SIK2: variants seen among roughly 807,000 people sequenced by gnomAD.
The protein encoded by SIK2 is serine/threonine-protein kinase SIK2.
Under a neutral mutation model 103.2 loss-of-function variants are expected in SIK2, and 29 were observed. That is an observed-to-expected ratio of 0.28 (90% CI 0.21 to 0.38). The LOEUF is 0.38. SIK2 is among the 10% of genes least tolerant of loss of function. The pLI, the probability that SIK2 is intolerant of heterozygous loss-of-function variation, is 1.00. For synonymous variants in SIK2, 412 were observed against 446.1 expected, an observed-to-expected ratio of 0.92 and a Z score of 0.96; for missense variants, 879 against 1,171.0, an observed-to-expected ratio of 0.75 and a Z score of 3.64.
intron 4 of SIK2, among the ~76,000 whole-genome samples, chr11:111,697,543 TGTAA>T (rs1943105685): frequency 1.3e-5 from 2 of 152,336 alleles, no homozygotes; most frequent in Admixed American, 1.3e-4. Context: ...CTTCATGAAA[TGTAA>T]GTGTTGTCCC....
chr11:111,656,448 T>C (rs1942392821), intron 3 of SIK2, among the ~76,000 whole-genome samples: 1 of 152,232 alleles, frequency 6.6e-6, no homozygotes, highest in African/African-American at 2.4e-5. Flanking sequence ...TTGGTTATTA[T>C]ATGAATTCAA....
In SIK2 at chr11:111,729,423, C is replaced by T. The variant is rs1352546161; in HGVS notation, c.*5294C>T. 6.6e-6 allele frequency: 1 copy of T among 152,276 alleles called. No individual in the cohort carries two copies. The highest frequency in any genetic ancestry group is 2.4e-5 in the African/African-American group (1 of 41,468). 9.4% of individuals were successfully genotyped at this position (152,276 alleles called of 1,614,324 possible). A position where few individuals can be genotyped will look rare whatever the true frequency, so the allele number is the denominator to read the frequency against. On this transcript the variant is annotated 3_prime_UTR_variant, in exon 15 of 15. Coordinates refer to ENST00000304987, the MANE Select transcript of SIK2 (RefSeq NM_015191.3). ...ACCAAGCACTTTCTCTTCTAACCCT[C>T]ACAACAATTCTATGAAATTAGCTGG...
In SIK2 at chr11:111,727,369, G is replaced by C. The variant is rs1944007461; in HGVS notation, c.*3240G>C. 2.4e-6 allele frequency: 1 copy of C among 413,730 alleles called. No individual in the cohort carries two copies. The highest frequency in any genetic ancestry group is 4.4e-6 in the Non-Finnish European group (1 of 227,566). 25.6% of individuals were successfully genotyped at this position (413,730 alleles called of 1,614,324 possible). On this transcript the variant is annotated 3_prime_UTR_variant, in exon 15 of 15. Transcript: ENST00000304987. ...AAAGTCAGTGGCCCTTTCTTCCTCAGATATCAAGAACTCCCAAGTGTTTAA... is the reference window on the plus strand; with the variant it reads ...AAAGTCAGTGGCCCTTTCTTCCTCACATATCAAGAACTCCCAAGTGTTTAA...
In SIK2 at chr11:111,706,959, CAAAAAA is replaced by C. The variant is rs763828886; in HGVS notation, c.1101+1836_1101+1841del. On this transcript the variant is annotated intron_variant, in intron 8 of 14. Coordinates refer to ENST00000304987, the MANE Select transcript of SIK2 (RefSeq NM_015191.3). Reference sequence around the variant, plus strand: ...TGGGTGACAGAGCAGGACTCCGTCTCAAAAAAAAAAAAAAAAAAAAAGTATTGATAC... The same window carrying C: ...TGGGTGACAGAGCAGGACTCCGTCTCAAAAAAAAAAAAAAAGTATTGATAC... Among the ~76,000 whole-genome samples, 5 of 52,112 alleles carry C rather than the reference CAAAAAA, an allele frequency of 9.6e-5. No individual in the cohort carries two copies. The South Asian group carries it at 2.7e-3, about 28-fold the overall frequency. 34.2% of individuals were successfully genotyped at this position (52,112 alleles called of 152,430 possible).
At chr11:111,673,993 G>A (rs2135882641) in intron 3 of SIK2, among the ~76,000 whole-genome samples, 1 of 151,218 alleles carries the variant, frequency 6.6e-6, no homozygotes, top group African/African-American at 2.4e-5. Flanking sequence ...AGAATCACTT[G>A]AACCCGCGAG....
At position 111,651,939 on chromosome 11, in the gene SIK2, T is replaced by G. The variant is rs370055590; in HGVS notation, c.316+31537T>G. On this transcript the variant is annotated intron_variant, in intron 3 of 14. Transcript: ENST00000304987. The stretch of plus-strand genomic sequence containing the variant: ...AAGTCATTTGCTACTCCAAAAGCTT[T>G]GCATGAATGCTGCATAGGAATAATT... Among the ~76,000 whole-genome samples, 13 of 152,324 alleles carry G rather than the reference T, an allele frequency of 8.5e-5. No homozygotes were observed. In the South Asian group the frequency reaches 2.5e-3, roughly 29 times the overall value.
chr11:111,724,333 G>A lies in SIK2; in HGVS notation c.*204G>A, dbSNP rs919112295. The A allele has an allele frequency of 7.2e-6, 5 of 695,390 alleles. No individual in the cohort carries two copies. Among genetic ancestry groups the A allele is most frequent in the Non-Finnish European group, 9.3e-6 (4 of 430,862 alleles). 43.1% of individuals were successfully genotyped at this position (695,390 alleles called of 1,614,324 possible). On this transcript the variant is annotated 3_prime_UTR_variant, in exon 15 of 15. Coordinates refer to ENST00000304987, the MANE Select transcript of SIK2 (RefSeq NM_015191.3). Reference sequence around the variant, plus strand: ...CCCACCACAAAGTTTTCTGTGGCAAGTGCTGGAACATAGTTGTAGGCTGAG... The same window carrying A: ...CCCACCACAAAGTTTTCTGTGGCAAATGCTGGAACATAGTTGTAGGCTGAG...
chr11:111,643,315 G>T (rs535149071), intron 3 of SIK2, among the ~76,000 whole-genome samples: 1 of 152,082 alleles, frequency 6.6e-6, no homozygotes, highest in Non-Finnish European at 1.5e-5. Context: ...TGGAAGGTTG[G>T]GGGCGAGGGG....
At chr11:111,632,930 C>G (rs1393733819) in intron 3 of SIK2, among the ~76,000 whole-genome samples, 4 of 152,080 alleles carry the variant, frequency 2.6e-5, no homozygotes, top group Non-Finnish European at 5.9e-5. Flanking sequence ...GTCCTGTATT[C>G]CCTCCTTATC....
chr11:111,713,364 G>A (rs1412248939), intron 9 of SIK2, among the ~76,000 whole-genome samples: 4 of 152,076 alleles, frequency 2.6e-5, no homozygotes, highest in African/African-American at 9.7e-5. Context: ...GTCTTGGAGC[G>A]TGTTCAAAAT....
At chr11:111,709,791 T>G (rs1004176078) in intron 8 of SIK2, among the ~76,000 whole-genome samples, 3 of 152,256 alleles carry the variant, frequency 2.0e-5, no homozygotes, top group Admixed American at 6.5e-5. Flanking sequence ...AAAAGCGTTA[T>G]TCCTTGATCC....
chr11:111,706,915 C>G (rs1021569725), intron 8 of SIK2, among the ~76,000 whole-genome samples: 6 of 150,128 alleles, frequency 4.0e-5, no homozygotes, highest in Non-Finnish European at 7.4e-5. Flanking sequence ...AGCCGAGATC[C>G]CGCCACTGCA....
At chr11:111,717,499 G>A (rs1943680545) in intron 9 of SIK2, among the ~76,000 whole-genome samples, 1 of 152,078 alleles carries the variant, frequency 6.6e-6, no homozygotes. Flanking sequence ...TAGTGGGAGT[G>A]TAAATTAGTT....
At chr11:111,672,373 T>C in intron 3 of SIK2, 3 of 520,010 alleles carry the variant, frequency 5.8e-6, no homozygotes, top group African/African-American at 2.0e-5. Flanking sequence ...GGTGGACACC[T>C]TGTAGGACTT....
intron 3 of SIK2, among the ~76,000 whole-genome samples, chr11:111,660,409 C>T (rs1053965041): frequency 6.6e-6 from 1 of 152,136 alleles, no homozygotes; most frequent in African/African-American, 2.4e-5. Flanking sequence ...GAGTTTACTG[C>T]AACTATCTTT....
intron 3 of SIK2, chr11:111,671,922 CAG>C (rs2135880974): frequency 4.4e-6 from 2 of 458,162 alleles, no homozygotes; most frequent in Admixed American, 4.9e-5. Flanking sequence ...TTCTCTGACC[CAG>C]AGTGTCCAGC....
chr11:111,608,023 C>T (rs1941670688), intron 1 of SIK2, among the ~76,000 whole-genome samples: 1 of 152,170 alleles, frequency 6.6e-6, no homozygotes. Context: ...GATTCATTTC[C>T]TTGGAGGCAA....
chr11:111,623,241 G>T (rs1018075339), intron 3 of SIK2, among the ~76,000 whole-genome samples: 1 of 152,140 alleles, frequency 6.6e-6, no homozygotes, highest in Admixed American at 6.5e-5. Context: ...GACTAGGACT[G>T]TTTTTTAATG....
chr11:111,689,476 G>C (rs1424109290), intron 4 of SIK2, among the ~76,000 whole-genome samples: 1 of 152,202 alleles, frequency 6.6e-6, no homozygotes, highest in Non-Finnish European at 1.5e-5. Context: ...AGCAGCAGCA[G>C]TAGAGGTTGA....
Sources: allele counts gnomAD v4.1 joint callset (sites outside exome capture counted in the v4.1 genomes callset), GRCh38; gene constraint gnomAD v4.1.1; transcripts MANE v1.5; gene names NCBI Gene and HGNC (gene_info 2026-07-23, HGNC 2026-07-21).